Variants in PARD3B observed in about 807,000 individuals in gnomAD.
The protein encoded by PARD3B is partitioning defective 3 homolog B.
A neutral mutation model predicts 130.2 loss-of-function variants in PARD3B; 103 were observed. The ratio of observed to expected loss-of-function variants is 0.79; its 90% confidence interval spans 0.67 to 0.93. PARD3B has a LOEUF of 0.93. PARD3B is among the 40% of genes least tolerant of loss of function. PARD3B has a pLI of 0.00. For missense variants in PARD3B, 1,609 were observed against 1,499.2 expected (o/e 1.07, Z -1.21); for synonymous variants, 583 against 553.2 (o/e 1.05, Z -0.76).
At chr2:205,129,338 G>A (rs569281371) in intron 10 of PARD3B, among the ~76,000 whole-genome samples, 34 of 152,362 alleles carry the variant, frequency 2.2e-4, no homozygotes, top group African/African-American at 7.9e-4. Flanking sequence ...TTAAAAAGAG[G>A]TGATGTTTGG....
chr2:205,159,279 G>A (rs2034367362), intron 11 of PARD3B, among the ~76,000 whole-genome samples: 1 of 152,196 alleles, frequency 6.6e-6, no homozygotes, highest in African/African-American at 2.4e-5. Flanking sequence ...TAAGACAGTT[G>A]TGCTTGCAAG....
intron 2 of PARD3B, among the ~76,000 whole-genome samples, chr2:204,866,607 C>T (rs749945657): frequency 2.0e-5 from 3 of 151,574 alleles, no homozygotes; most frequent in African/African-American, 4.9e-5. Flanking sequence ...CAGTCATTAA[C>T]AGTGATGATT....
intron 1 of PARD3B, among the ~76,000 whole-genome samples, chr2:204,580,863 A>G (rs1328647520): frequency 1.3e-5 from 2 of 152,226 alleles, no homozygotes; most frequent in Non-Finnish European, 2.9e-5. Context: ...GGGGAGTAGA[A>G]TCATAAATTT....
At chr2:204,795,575 C>A (rs1162721673) in intron 2 of PARD3B, among the ~76,000 whole-genome samples, 2 of 152,186 alleles carry the variant, frequency 1.3e-5, no homozygotes, top group African/African-American at 4.8e-5. Flanking sequence ...ATTTCTGTTA[C>A]AGAGTACTTG....
At chr2:204,682,703 T>C (rs57163622) in intron 1 of PARD3B, among the ~76,000 whole-genome samples, 3,835 of 152,308 alleles carry the variant, frequency 0.025, 158 homozygotes, top group African/African-American at 0.087. Context: ...CTCGCTGCCA[T>C]TGCAGGCTGT....
intron 2 of PARD3B, among the ~76,000 whole-genome samples, chr2:204,817,484 C>G (rs2043187518): frequency 6.6e-6 from 1 of 152,160 alleles, no homozygotes; most frequent in Non-Finnish European, 1.5e-5. Context: ...CTGCCCAGTT[C>G]TCTGTGAATC....
At chr2:204,947,733 T>C (rs955791181) in intron 2 of PARD3B, among the ~76,000 whole-genome samples, 2 of 152,184 alleles carry the variant, frequency 1.3e-5, no homozygotes, top group African/African-American at 4.8e-5. Flanking sequence ...ACCTGCAAGA[T>C]AAGTTTGAGA....
In PARD3B at chr2:205,589,675, C is replaced by A. The variant is rs1187225544; in HGVS notation, c.3261-25781C>A. Among the ~76,000 whole-genome samples the A allele has an allele frequency of 6.6e-6, 1 of 152,116 alleles. No individual in the cohort carries two copies. Among genetic ancestry groups the A allele is most frequent in the African/African-American group, 2.4e-5 (1 of 41,422 alleles). ...TAATTGCACCCTCACATTGTTGTCT[C>A]TATTGGAGAATTGCTAGAGGACTCG... On this transcript the variant is annotated intron_variant, in intron 22 of 22. Transcript: ENST00000406610. The surrounding 1 kb of genome is among the most constrained non-coding windows in gnomAD (Gnocchi z 4.1).
chr2:204,849,080 T>A (rs1032383183), intron 2 of PARD3B, among the ~76,000 whole-genome samples: 8 of 152,118 alleles, frequency 5.3e-5, no homozygotes, highest in African/African-American at 1.9e-4. Flanking sequence ...TTTATGAAAA[T>A]TCTTGCAACA....
chr2:204,556,744 T>G (rs2030948831), intron 1 of PARD3B, among the ~76,000 whole-genome samples: 1 of 152,188 alleles, frequency 6.6e-6, no homozygotes, highest in Non-Finnish European at 1.5e-5. Flanking sequence ...ACATTTTGCT[T>G]AATTTGCATG....
intron 5 of PARD3B, among the ~76,000 whole-genome samples, chr2:205,109,735 C>T (rs1005102231): frequency 6.6e-6 from 1 of 150,444 alleles, no homozygotes; most frequent in African/African-American, 2.5e-5. Context: ...CTCACTGCAA[C>T]CTCTGCCTCC....
intron 2 of PARD3B, among the ~76,000 whole-genome samples, chr2:204,909,908 T>A (rs1575278383): frequency 6.6e-6 from 1 of 152,276 alleles, no homozygotes; most frequent in East Asian, 1.9e-4. Context: ...AGAAAGGAAG[T>A]CATTCCAAAT....
intron 15 of PARD3B, among the ~76,000 whole-genome samples, chr2:205,203,902 G>T (rs146231278): frequency 2.0e-5 from 3 of 152,058 alleles, no homozygotes; most frequent in African/African-American, 7.2e-5. Context: ...GAATAGTGCC[G>T]CAATAAACAT....
In PARD3B at chr2:205,118,323, G is replaced by T. The variant is rs182866668; in HGVS notation, c.681-598G>T. On this transcript the variant is annotated intron_variant, in intron 6 of 22. Transcript: ENST00000406610. The stretch of plus-strand genomic sequence containing the variant: ...CCCCAAATGTATAGTGAAATTACCT[G>T]GTCCTGGTCCTATGACTTTGTCTCA... Among the ~76,000 whole-genome samples, 425 of 152,188 alleles carry T rather than the reference G, an allele frequency of 2.8e-3. 7 individuals are homozygous for T. Among genetic ancestry groups the T allele is most frequent in the Admixed American group, 0.024 (366 of 15,298 alleles).
At chr2:204,824,300 G>A (rs891487116) in intron 2 of PARD3B, among the ~76,000 whole-genome samples, 2 of 152,062 alleles carry the variant, frequency 1.3e-5, no homozygotes, top group African/African-American at 4.8e-5. Context: ...TTTTATCTTG[G>A]AGCCTCTGCA....
intron 2 of PARD3B, among the ~76,000 whole-genome samples, chr2:204,839,776 G>A (rs1287996542): frequency 2.0e-5 from 3 of 152,074 alleles, no homozygotes; most frequent in South Asian, 4.2e-4. Context: ...GAAGAATTTG[G>A]TTTTTGAAGA....
At chr2:204,742,978 G>T (rs139873330) in intron 2 of PARD3B, among the ~76,000 whole-genome samples, 2 of 152,218 alleles carry the variant, frequency 1.3e-5, no homozygotes, top group East Asian at 3.9e-4. Flanking sequence ...TCTTTTGGAA[G>T]TCCACACTCT....
At chr2:205,370,895 T>C (rs1559711651) in intron 18 of PARD3B, among the ~76,000 whole-genome samples, 1 of 152,166 alleles carries the variant, frequency 6.6e-6, no homozygotes, top group Non-Finnish European at 1.5e-5. Context: ...TGTCATTTGT[T>C]GCTTTTGGCT....
rs568183058 is a variant in PARD3B at position 205,377,819 on chromosome 2, G to A, written c.2631-23194G>A. On this transcript the variant is annotated intron_variant, in intron 18 of 22. Coordinates refer to ENST00000406610, the MANE Select transcript of PARD3B (RefSeq NM_001302769.2). ...GGGTTTCGCTCTTGTTCCCCAGGCT[G>A]GAGTGCAATGGTGAGGTCTTGGCTC... Among the ~76,000 whole-genome samples the A allele has an allele frequency of 2.7e-4, 38 of 142,880 alleles. No individual in the cohort carries two copies. In the South Asian group the frequency reaches 7.4e-3, roughly 28 times the overall value. 93.7% of individuals were successfully genotyped at this position (142,880 alleles called of 152,430 possible).
Sources: allele counts gnomAD v4.1 joint callset (sites outside exome capture counted in the v4.1 genomes callset), GRCh38; gene constraint gnomAD v4.1.1; non-coding constraint Gnocchi (gnomAD v3.1); transcripts MANE v1.5; gene names NCBI Gene and HGNC (gene_info 2026-07-23, HGNC 2026-07-21).